NBPF15: variants seen among roughly 807,000 people sequenced by gnomAD.
The protein encoded by NBPF15 is NBPF family member NBPF15.
In NBPF15, 74 loss-of-function variants were observed where a neutral mutation model predicts 62.2. That is an observed-to-expected ratio of 1.19 (90% CI 0.99 to 1.44). The LOEUF (loss-of-function observed/expected upper bound fraction) is 1.44. Ranked by LOEUF, NBPF15 falls within the 40% of genes most tolerant of loss-of-function variation. The pLI is 0.00. For missense variants in NBPF15, 790 were observed against 550.0 expected, an observed-to-expected ratio of 1.44 and a Z score of -4.36; for synonymous variants, 244 against 209.7, an observed-to-expected ratio of 1.16 and a Z score of -1.41.
intron 6 of NBPF15, among the ~76,000 whole-genome samples, chr1:144,444,129 A>G (rs1398527245): frequency 2.0e-5 from 3 of 151,764 alleles, no homozygotes; most frequent in Non-Finnish European, 2.9e-5. Flanking sequence ...TTGTTATTGG[A>G]CATTTCTATC....
At chr1:144,440,859 C>G (rs1180891094) in intron 6 of NBPF15, among the ~76,000 whole-genome samples, 4 of 150,632 alleles carry the variant, frequency 2.7e-5, no homozygotes, top group African/African-American at 4.9e-5. Flanking sequence ...TTAGTAGAGA[C>G]GGGGTTTCAC....
Position 144,422,821 on chromosome 1 carries a change from C to T in NBPF15, c.*192G>A. 1 of 1,413,504 alleles carries T rather than the reference C, an allele frequency of 7.1e-7. No homozygotes were observed. Among genetic ancestry groups the T allele is most frequent in the East Asian group, 2.3e-5 (1 of 43,786 alleles). The allele number at this position is 1,413,504 out of a possible 1,614,324, so 87.6% of individuals were successfully genotyped here. ...TGCACAGTTATGTGAACGTGTCACA[C>T]CTAACATGGGTCCATTGTCTTCAGA... On this transcript the variant is annotated 3_prime_UTR_variant, in exon 22 of 22. Transcript: ENST00000581897.
At chr1:144,427,595 C>T (rs375246669) in intron 16 of NBPF15, among the ~76,000 whole-genome samples, 129 of 146,242 alleles carry the variant, frequency 8.8e-4, no homozygotes, top group Admixed American at 2.4e-3. Flanking sequence ...AGGATTAGGG[C>T]GCCACAGGCA....
chr1:144,457,693 A>T lies in NBPF15; in HGVS notation c.-700-888T>A, dbSNP rs1255355607. 3.3e-5 allele frequency among the ~76,000 whole-genome samples: 5 copies of T among 152,082 alleles called. No individual in the cohort carries two copies. The South Asian group carries it at 8.3e-4, about 25-fold the overall frequency. ...GCTTATGTTGAAAATGAGATTGAACACATACAAAATAATCATAATAACAAC... is the reference window on the plus strand; with the variant it reads ...GCTTATGTTGAAAATGAGATTGAACTCATACAAAATAATCATAATAACAAC... On this transcript the variant is annotated intron_variant, in intron 3 of 21. Coordinates refer to ENST00000581897, the MANE Select transcript of NBPF15 (RefSeq NM_001385408.1).
At position 144,423,071 on chromosome 1, in the gene NBPF15, G is replaced by A; in HGVS notation, c.1955C>T (p.Thr652Ile). ...CAGGTGGAGACTTGTCACCGTCAAA[G>A]TAAAAAACCTATTGTCCACGTAAAG... ...FALYVDNRFF[T>I]LTVTSLHLVF... Residue 652 changes from threonine (T) to isoleucine (I), a missense_variant, in exon 22 of 22, where the codon ACT (threonine) becomes ATT (isoleucine). By Grantham distance (89) the Thr-to-Ile change is moderately conservative (BLOSUM62 -1). Transcript: ENST00000581897. The A allele has an allele frequency of 4.3e-6, 7 of 1,611,602 alleles. No individual in the cohort carries two copies. The highest frequency in any genetic ancestry group is 5.9e-6 in the Non-Finnish European group (7 of 1,179,620).
intron 6 of NBPF15, among the ~76,000 whole-genome samples, chr1:144,445,272 A>ATG (rs1467474540): frequency 8.7e-6 from 1 of 115,008 alleles, no homozygotes; most frequent in Non-Finnish European, 1.7e-5. Flanking sequence ...CTGTATATGT[A>ATG]TATATATATA....
chr1:144,426,563 C>A (rs1669807226), intron 17 of NBPF15, 113 bp from the exon 18 acceptor site: 4 of 724,370 alleles, frequency 5.5e-6, no homozygotes, highest in Non-Finnish European at 5.1e-6. Context: ...AAGGACGGAT[C>A]CATTAATGAG....
At chr1:144,457,802 T>C (rs1553547445) in intron 3 of NBPF15, among the ~76,000 whole-genome samples, 1 of 152,038 alleles carries the variant, frequency 6.6e-6, no homozygotes, top group Non-Finnish European at 1.5e-5. Flanking sequence ...TTATTAAAAC[T>C]AAAATGGCCA....
chr1:144,454,923 C>A (rs868987710), intron 4 of NBPF15, among the ~76,000 whole-genome samples: 27 of 150,398 alleles, frequency 1.8e-4, no homozygotes, highest in African/African-American at 6.4e-4. Context: ...TCCCTGCCTA[C>A]AAGACAGAAG....
chr1:144,445,394 T>C (rs1206009123), intron 6 of NBPF15, among the ~76,000 whole-genome samples: 6 of 144,084 alleles, frequency 4.2e-5, no homozygotes, highest in Non-Finnish European at 9.1e-5. Flanking sequence ...TTTGTGTGTG[T>C]GTGTGTATAC....
intron 14 of NBPF15, among the ~76,000 whole-genome samples, chr1:144,429,277 G>T (rs1348918181): frequency 2.0e-5 from 3 of 148,906 alleles, no homozygotes; most frequent in Admixed American, 6.6e-5. Context: ...GTAGACAAGG[G>T]TGACACTGGC....
At chr1:144,458,125 C>T (rs1199558390) in intron 3 of NBPF15, among the ~76,000 whole-genome samples, 4 of 151,870 alleles carry the variant, frequency 2.6e-5, no homozygotes, top group Admixed American at 6.6e-5. Context: ...AGTCCTAAAA[C>T]TATTATGTAG....
In NBPF15 at chr1:144,440,124, T is replaced by C; in HGVS notation, c.-36+17A>G. ...ATCAGGACTGAGGGATGTAAGTAACTGAAATTCTTAACTTACTGTTGTCAA... is the reference window on the plus strand; with the variant it reads ...ATCAGGACTGAGGGATGTAAGTAACCGAAATTCTTAACTTACTGTTGTCAA... On this transcript the variant is annotated intron_variant, in intron 7 of 21. Transcript: ENST00000581897. The C allele has an allele frequency of 6.3e-7, 1 of 1,581,562 alleles. No homozygotes were observed. The highest frequency in any genetic ancestry group is 8.7e-7 in the Non-Finnish European group (1 of 1,154,132).
intron 6 of NBPF15, among the ~76,000 whole-genome samples, chr1:144,445,270 G>GTGTATATA (rs1553543714): frequency 9.5e-6 from 1 of 105,014 alleles, no homozygotes; most frequent in African/African-American, 3.6e-5. Flanking sequence ...GTCTGTATAT[G>GTGTATATA]TATATATATA....
At chr1:144,459,773 C>T (rs1229590806) in intron 2 of NBPF15, among the ~76,000 whole-genome samples, 1 of 151,774 alleles carries the variant, frequency 6.6e-6, no homozygotes, top group Non-Finnish European at 1.5e-5. Context: ...CACACTGATA[C>T]ATTACTGCAC....
intron 8 of NBPF15, among the ~76,000 whole-genome samples, chr1:144,438,743 G>C (rs1268780787): frequency 6.6e-6 from 1 of 151,920 alleles, no homozygotes; most frequent in Non-Finnish European, 1.5e-5. Context: ...ATTTACAGAG[G>C]TAGGTATTAT....
chr1:144,455,062 A>C (rs1439907034), intron 4 of NBPF15, among the ~76,000 whole-genome samples: 1 of 147,790 alleles, frequency 6.8e-6, no homozygotes, highest in African/African-American at 2.5e-5. Flanking sequence ...AAAGGAAGAA[A>C]GGAAAGAATG....
intron 13 of NBPF15, among the ~76,000 whole-genome samples, chr1:144,433,275 C>T (rs1675843352): frequency 6.6e-6 from 1 of 151,950 alleles, no homozygotes. Flanking sequence ...CACAACATAC[C>T]AGAATCTCTG....
chr1:144,460,670 G>A, intron 2 of NBPF15, among the ~76,000 whole-genome samples, 173 bp downstream of exon 2: 1 of 148,046 alleles, frequency 6.8e-6, no homozygotes, highest in Non-Finnish European at 1.5e-5. Context: ...CTTTTCGAAA[G>A]CAGCTCTAGC....
Sources: gnomAD v4.1 joint callset for allele counts (sites outside exome capture counted in the v4.1 genomes callset) on GRCh38, gnomAD v4.1.1 for gene constraint, MANE v1.5 for transcripts, NCBI Gene and HGNC (gene_info 2026-07-23, HGNC 2026-07-21) for gene names.